The following SHB variants were observed in gnomAD, a reference collection of about 807,000 sequenced individuals.
The protein encoded by SHB is SH2 domain-containing adapter protein B.
Under a neutral mutation model 52.3 loss-of-function variants are expected in SHB, and 20 were observed. The observed-to-expected ratio is 0.38, with a 90% CI of 0.27 to 0.56. The LOEUF is 0.56. Ranked by LOEUF, SHB falls within the 20% of genes least tolerant of loss-of-function variation. SHB has a pLI of 0.71. For missense variants in SHB, 825 were observed against 723.3 expected (o/e 1.14, Z -1.61); for synonymous variants, 397 against 316.5 (o/e 1.25, Z -2.70).
chr9:38,000,339 C>T (rs1443408633), intron 2 of SHB, among the ~76,000 whole-genome samples: 2 of 152,250 alleles, frequency 1.3e-5, no homozygotes, highest in East Asian at 3.8e-4. Context: ...AGTTCTCGGG[C>T]TTCAGTGAGG....
At chr9:38,025,789 AG>A (rs997473402) in intron 1 of SHB, among the ~76,000 whole-genome samples, 2 of 152,206 alleles carry the variant, frequency 1.3e-5, no homozygotes, top group Non-Finnish European at 1.5e-5. Context: ...GGTCTTGCCC[AG>A]GGTCACCTGG....
intron 4 of SHB, among the ~76,000 whole-genome samples, chr9:37,952,390 C>T (rs764184407): frequency 6.6e-5 from 10 of 152,206 alleles, no homozygotes; most frequent in African/African-American, 1.4e-4. Context: ...TAGGAATGCG[C>T]TTGCAGTGCT....
At position 37,916,958 on chromosome 9, in the gene SHB, C is replaced by T. The variant is rs1358223707; in HGVS notation, c.*2863G>A. On this transcript the variant is annotated 3_prime_UTR_variant, in exon 6 of 6. Coordinates refer to ENST00000377707, the MANE Select transcript of SHB (RefSeq NM_003028.3). ...GTTCTCAGACAAAATGCCGAGGGCG[C>T]GACGTTGTGTGGCAGGAGCTTTTCT... Among the ~76,000 whole-genome samples, 2 of 151,642 alleles carry T rather than the reference C, an allele frequency of 1.3e-5. No homozygotes were observed. Among genetic ancestry groups the T allele is most frequent in the South Asian group, 2.1e-4 (1 of 4,802 alleles).
chr9:37,964,152 C>T (rs753418006), intron 3 of SHB, among the ~76,000 whole-genome samples: 23 of 152,186 alleles, frequency 1.5e-4, no homozygotes, highest in Non-Finnish European at 2.9e-5. Flanking sequence ...CCTCTGTGTT[C>T]GCCTGGAAGA....
chr9:38,036,783 G>T (rs1303129143), intron 1 of SHB, among the ~76,000 whole-genome samples: 1 of 152,166 alleles, frequency 6.6e-6, no homozygotes, highest in African/African-American at 2.4e-5. Flanking sequence ...AGCTACCAGG[G>T]ACTATGCTCA....
chr9:38,006,837 A>T (rs1434742490), intron 2 of SHB, among the ~76,000 whole-genome samples: 1 of 152,192 alleles, frequency 6.6e-6, no homozygotes, highest in Admixed American at 6.5e-5. Flanking sequence ...CCTGCCAGCC[A>T]CTGGGCCACA....
At chr9:38,047,146 C>T (rs1264043039) in intron 1 of SHB, among the ~76,000 whole-genome samples, 2 of 152,210 alleles carry the variant, frequency 1.3e-5, no homozygotes, top group African/African-American at 2.4e-5. Flanking sequence ...ATCCAGATAA[C>T]ACAGGAATGT....
At chr9:37,978,637 A>G (rs1226775356) in intron 2 of SHB, among the ~76,000 whole-genome samples, 2 of 152,222 alleles carry the variant, frequency 1.3e-5, no homozygotes, top group Non-Finnish European at 2.9e-5. Context: ...CCCACAGGGA[A>G]TTCTGCTCCT....
At chr9:38,044,608 C>G (rs1821625654) in intron 1 of SHB, among the ~76,000 whole-genome samples, 4 of 152,212 alleles carry the variant, frequency 2.6e-5, no homozygotes. Flanking sequence ...ATGCCCACCA[C>G]CACACCAAAA....
chr9:38,037,394 C>T (rs967430033), intron 1 of SHB, among the ~76,000 whole-genome samples: 48 of 152,200 alleles, frequency 3.2e-4, no homozygotes, highest in African/African-American at 1.1e-3. Context: ...GTCACCAGCC[C>T]CCAACTTCCC....
rs138729542 is a variant in SHB at position 38,002,920 on chromosome 9, G to C, written c.838+13091C>G. On this transcript the variant is annotated intron_variant, in intron 2 of 5. Coordinates refer to ENST00000377707, the MANE Select transcript of SHB (RefSeq NM_003028.3). ...TCTGCAAATTTGGGAGCCAGACCCA[G>C]GGCATAGGGCTGGGGCCCAAAAGGC... 3.1e-3 allele frequency among the ~76,000 whole-genome samples: 472 copies of C among 152,280 alleles called. 1 individual carries two copies. The highest frequency in any genetic ancestry group is 0.011 in the African/African-American group (454 of 41,548).
At chr9:38,053,832 C>T (rs548487524) in intron 1 of SHB, among the ~76,000 whole-genome samples, 1 of 152,336 alleles carries the variant, frequency 6.6e-6, no homozygotes, top group East Asian at 1.9e-4. Context: ...AAATGCTAGG[C>T]ATTGTGCTCA....
chr9:37,943,088 G>C (rs1832453215), intron 5 of SHB, among the ~76,000 whole-genome samples: 1 of 152,104 alleles, frequency 6.6e-6, no homozygotes, highest in African/African-American at 2.4e-5. Flanking sequence ...TGGTGATCAG[G>C]GCTACATCTC....
intron 3 of SHB, among the ~76,000 whole-genome samples, chr9:37,969,183 A>G (rs1022544178): frequency 1.3e-5 from 2 of 152,150 alleles, no homozygotes. Context: ...TGAGAGCTCC[A>G]ATCATATTTC....
At chr9:37,948,862 G>C in intron 4 of SHB, 108 bp from the exon 5 acceptor site, 1 of 1,420,432 alleles carries the variant, frequency 7.0e-7, no homozygotes, top group South Asian at 1.3e-5. Flanking sequence ...GTACAAGCAG[G>C]CATGCACTGG....
At chr9:38,038,099 T>C (rs1445883727) in intron 1 of SHB, among the ~76,000 whole-genome samples, 1 of 152,176 alleles carries the variant, frequency 6.6e-6, no homozygotes, top group East Asian at 1.9e-4. Flanking sequence ...CCCTGCTTTA[T>C]AGCTTGGGTC....
In SHB at chr9:38,024,507, C is replaced by G. The variant is rs535713210; in HGVS notation, c.718-8376G>C. 9.2e-5 allele frequency among the ~76,000 whole-genome samples: 14 copies of G among 152,310 alleles called. No homozygotes were observed. The South Asian group carries it at 2.9e-3, about 32-fold the overall frequency. ...TCCAAATTCCAGCCTCTGTCAGCTC[C>G]TCTCAAGCCTGCTTGCTCAGCCTCT... On this transcript the variant is annotated intron_variant, in intron 1 of 5. Coordinates refer to ENST00000377707, the MANE Select transcript of SHB (RefSeq NM_003028.3).
intron 2 of SHB, among the ~76,000 whole-genome samples, chr9:37,994,608 T>G (rs1820925251): frequency 1.3e-5 from 2 of 152,184 alleles, no homozygotes; most frequent in Admixed American, 6.5e-5. Flanking sequence ...TAATATCAAT[T>G]TCATGGCGCT....
chr9:38,064,330 G>A (rs1046488269), intron 1 of SHB, among the ~76,000 whole-genome samples: 4 of 152,046 alleles, frequency 2.6e-5, no homozygotes, highest in Admixed American at 6.5e-5. Flanking sequence ...TCTCCCCTGT[G>A]GGGTCCAACT....
Sources: gnomAD v4.1 joint callset for allele counts (sites outside exome capture counted in the v4.1 genomes callset) on GRCh38, gnomAD v4.1.1 for gene constraint, MANE v1.5 for transcripts, NCBI Gene and HGNC (gene_info 2026-07-23, HGNC 2026-07-21) for gene names.